The following JAKMIP2 variants were observed in gnomAD, a reference collection of about 807,000 sequenced individuals.
The protein encoded by JAKMIP2 is janus kinase and microtubule interacting protein 2.
JAKMIP2 carries 25 observed loss-of-function variants against 115.0 expected under a neutral mutation model. That is an observed-to-expected ratio of 0.22 (90% CI 0.16 to 0.30). The LOEUF (loss-of-function observed/expected upper bound fraction) is 0.30. JAKMIP2 is among the 10% of genes least tolerant of loss of function. JAKMIP2 has a pLI of 1.00. For missense variants in JAKMIP2, 642 were observed against 957.6 expected (o/e 0.67, Z 4.35); for synonymous variants, 334 against 343.6 (o/e 0.97, Z 0.31).
chr5:147,731,626 A>G (rs1753737028), intron 1 of JAKMIP2, among the ~76,000 whole-genome samples: 1 of 152,162 alleles, frequency 6.6e-6, no homozygotes. Flanking sequence ...TATTCTTTTT[A>G]TCTAGATTAT....
At chr5:147,624,856 T>C (rs1798465245) in intron 16 of JAKMIP2, among the ~76,000 whole-genome samples, 1 of 152,206 alleles carries the variant, frequency 6.6e-6, no homozygotes, top group African/African-American at 2.4e-5. Context: ...GTCTCAAGTT[T>C]CTTGTCTGTC....
At chr5:147,649,828 C>T (rs185350331) in intron 4 of JAKMIP2, among the ~76,000 whole-genome samples, 77 of 152,096 alleles carry the variant, frequency 5.1e-4, no homozygotes, top group Non-Finnish European at 6.3e-4. Context: ...TGCGCACTTC[C>T]GAAAATAATT....
intron 20 of JAKMIP2, among the ~76,000 whole-genome samples, chr5:147,609,919 T>G (rs566334940): frequency 5.6e-4 from 85 of 152,322 alleles, no homozygotes; most frequent in African/African-American, 1.7e-3. Context: ...GTCTTCACAC[T>G]TTATTTCATT....
intron 1 of JAKMIP2, among the ~76,000 whole-genome samples, chr5:147,756,025 G>A (rs1754730599): frequency 6.6e-6 from 1 of 152,154 alleles, no homozygotes; most frequent in African/African-American, 2.4e-5. Context: ...AAATATCCAT[G>A]TGAAAGCATG....
At chr5:147,631,739 T>C (rs891412043) in intron 13 of JAKMIP2, among the ~76,000 whole-genome samples, 1 of 152,174 alleles carries the variant, frequency 6.6e-6, no homozygotes, top group Admixed American at 6.5e-5. Context: ...TCTTCCAAAT[T>C]TTTTGATCAG....
At chr5:147,730,481 G>A (rs1753688260) in intron 1 of JAKMIP2, among the ~76,000 whole-genome samples, 1 of 151,478 alleles carries the variant, frequency 6.6e-6, no homozygotes, top group East Asian at 1.9e-4. Flanking sequence ...TTTTGAGGTG[G>A]AGTCTCGCTC....
At chr5:147,625,082 C>T (rs1410115486) in intron 16 of JAKMIP2, among the ~76,000 whole-genome samples, 3 of 152,014 alleles carry the variant, frequency 2.0e-5, no homozygotes, top group Admixed American at 6.6e-5. Flanking sequence ...CAGGTTCAAG[C>T]GATTCTCCAG....
rs755883126 is a variant in JAKMIP2 at position 147,640,676 on chromosome 5, C to A, written c.1401+28G>T. 4.3e-6 allele frequency: 7 copies of A among 1,611,320 alleles called. No individual in the cohort carries two copies. In the South Asian group the frequency reaches 6.6e-5, roughly 15 times the overall value. On this transcript the variant is annotated intron_variant, in intron 9 of 21. Coordinates refer to ENST00000616793, the MANE Select transcript of JAKMIP2 (RefSeq NM_001270941.2). ...ATCAAAGATTTGGTGACAATATCAC[C>A]CTAGGCTAGAGAAGTAGAAAAGCTT...
chr5:147,666,370 T>G (rs1265573544), intron 2 of JAKMIP2, among the ~76,000 whole-genome samples: 1 of 152,198 alleles, frequency 6.6e-6, no homozygotes, highest in African/African-American at 2.4e-5. Flanking sequence ...GATAATACTT[T>G]GAAATGAAGA....
intron 17 of JAKMIP2, among the ~76,000 whole-genome samples, chr5:147,622,318 C>CAGT: frequency 6.6e-6 from 1 of 152,260 alleles, no homozygotes; most frequent in East Asian, 1.9e-4. Context: ...GTGTATAGTT[C>CAGT]AGTAGTACAA....
At chr5:147,634,919 T>C (rs1757540095) in intron 12 of JAKMIP2, among the ~76,000 whole-genome samples, 1 of 152,222 alleles carries the variant, frequency 6.6e-6, no homozygotes, top group Non-Finnish European at 1.5e-5. Flanking sequence ...AATTCTAAAA[T>C]AATTTCTGCA....
intron 1 of JAKMIP2, among the ~76,000 whole-genome samples, chr5:147,707,001 T>C (rs1303252131): frequency 6.6e-6 from 1 of 152,206 alleles, no homozygotes; most frequent in Non-Finnish European, 1.5e-5. Flanking sequence ...CTGTGTGTTA[T>C]ACTTTCTAGG....
chr5:147,676,572 T>C (rs1759975904), intron 1 of JAKMIP2, among the ~76,000 whole-genome samples: 1 of 152,152 alleles, frequency 6.6e-6, no homozygotes, highest in African/African-American at 2.4e-5. Flanking sequence ...AGCTGCATGG[T>C]CAGGCAGCAG....
intron 1 of JAKMIP2, among the ~76,000 whole-genome samples, chr5:147,723,356 A>T (rs746238985): frequency 6.6e-6 from 1 of 152,154 alleles, no homozygotes; most frequent in Non-Finnish European, 1.5e-5. Flanking sequence ...AAAATAAGAA[A>T]CATTTGTATG....
At chr5:147,705,891 C>T (rs1752542229) in intron 1 of JAKMIP2, among the ~76,000 whole-genome samples, 1 of 152,142 alleles carries the variant, frequency 6.6e-6, no homozygotes, top group Non-Finnish European at 1.5e-5. Flanking sequence ...GGGAAACACT[C>T]CTGTGTTGTA....
At position 147,614,004 on chromosome 5, in the gene JAKMIP2, T is replaced by A. The variant is rs146167253; in HGVS notation, c.2347-1633A>T. ...GCTCCATAGCTACACAGTAAAAGAA[T>A]AAATTTGCTAGATATTTCCACCTTG... On this transcript the variant is annotated intron_variant, in intron 19 of 21. Coordinates refer to ENST00000616793, the MANE Select transcript of JAKMIP2 (RefSeq NM_001270941.2). 1.8e-3 allele frequency among the ~76,000 whole-genome samples: 272 copies of A among 152,336 alleles called. 1 individual carries two copies. The highest frequency in any genetic ancestry group is 2.9e-3 in the South Asian group (14 of 4,822).
intron 10 of JAKMIP2, 139 bp from the exon 11 acceptor site, chr5:147,637,187 T>C (rs2126704917): frequency 1.5e-6 from 1 of 653,032 alleles, no homozygotes; most frequent in Non-Finnish European, 2.7e-6. Flanking sequence ...CTGATCTAAA[T>C]TCTTGTTTAA....
chr5:147,648,404 G>A lies in JAKMIP2; in HGVS notation c.908C>T (p.Thr303Ile), dbSNP rs752022916. Residue 303 changes from threonine (T) to isoleucine (I), a missense_variant, in exon 5 of 22, where the codon ACC (threonine) becomes ATC (isoleucine). Thr to Ile is a moderately conservative substitution (Grantham distance 89). Transcript: ENST00000616793. ...TTCATTTCGTTCATCTCCAAGCAAG[G>A]TATTCCTGTCTTCTAATTTTCTTAT... ...ATIRKLEDRN[T>I]LLGDERNELL... The A allele has an allele frequency of 3.7e-5, 59 of 1,607,670 alleles. No homozygotes were observed. The Admixed American group carries it at 9.2e-4, about 25-fold the overall frequency.
chr5:147,664,703 C>A (rs1240222662), intron 2 of JAKMIP2, among the ~76,000 whole-genome samples: 1 of 152,108 alleles, frequency 6.6e-6, no homozygotes, highest in African/African-American at 2.4e-5. Context: ...TTTTTGCCCA[C>A]TTGTCTGTCC....
Sources: allele counts gnomAD v4.1 joint callset (sites outside exome capture counted in the v4.1 genomes callset), GRCh38; gene constraint gnomAD v4.1.1; transcripts MANE v1.5; gene names NCBI Gene and HGNC (gene_info 2026-07-23, HGNC 2026-07-21).